Variants in IGSF21 observed in about 807,000 individuals in gnomAD.
The protein encoded by IGSF21 is immunoglobin superfamily member 21.
In IGSF21, 28 loss-of-function variants were observed where a neutral mutation model predicts 46.8. The observed-to-expected ratio is 0.60, with a 90% confidence interval of 0.44 to 0.82. The LOEUF (loss-of-function observed/expected upper bound fraction) is 0.82, where lower values mean the gene tolerates loss of function less well. IGSF21 is among the 40% of genes least tolerant of loss of function. The probability of loss-of-function intolerance (pLI) is 0.00; values close to 1 mark genes in which losing one functional copy is unlikely to be tolerated. For synonymous variants in IGSF21, 284 were observed against 273.6 expected (o/e 1.04, Z -0.38); for missense variants, 624 against 665.5 (o/e 0.94, Z 0.69).
chr1:18,177,533 AT>A (rs1052614430), intron 1 of IGSF21, among the ~76,000 whole-genome samples: 18 of 150,900 alleles, frequency 1.2e-4, no homozygotes, highest in African/African-American at 3.9e-4. Context: ...CTCTCTGATG[AT>A]TTTTTTTTCT....
intron 2 of IGSF21, among the ~76,000 whole-genome samples, chr1:18,254,156 G>A (rs2084867945): frequency 6.6e-6 from 1 of 152,166 alleles, no homozygotes; most frequent in Admixed American, 6.5e-5. Context: ...AAGTTCTGGA[G>A]CCTGAACTAG....
At chr1:18,200,444 G>A (rs909738868) in intron 1 of IGSF21, among the ~76,000 whole-genome samples, 1 of 152,120 alleles carries the variant, frequency 6.6e-6, no homozygotes, top group African/African-American at 2.4e-5. Context: ...TCTGATTCCT[G>A]CAGGGAATAA....
intron 2 of IGSF21, among the ~76,000 whole-genome samples, chr1:18,237,800 T>G (rs2084687108): frequency 6.6e-6 from 1 of 152,208 alleles, no homozygotes; most frequent in Non-Finnish European, 1.5e-5. Context: ...AGCCTTTCAA[T>G]CTGGAACTGG....
chr1:18,124,209 T>G (rs2086257229), intron 1 of IGSF21, among the ~76,000 whole-genome samples: 1 of 152,196 alleles, frequency 6.6e-6, no homozygotes, highest in South Asian at 2.1e-4. Flanking sequence ...CAGGCTCTCT[T>G]CTTCCTGGAC....
intron 1 of IGSF21, among the ~76,000 whole-genome samples, chr1:18,117,364 G>A (rs1008698683): frequency 6.6e-6 from 1 of 152,214 alleles, no homozygotes; most frequent in Non-Finnish European, 1.5e-5. Context: ...AAGAGTGAAG[G>A]GAGGAGGAGC....
intron 1 of IGSF21, among the ~76,000 whole-genome samples, chr1:18,177,960 G>A (rs1453202993): frequency 6.6e-6 from 1 of 152,132 alleles, no homozygotes; most frequent in Admixed American, 6.5e-5. Flanking sequence ...GGCACGATGG[G>A]GCGAGTTTCT....
At chr1:18,197,091 T>C (rs1169722303) in intron 1 of IGSF21, among the ~76,000 whole-genome samples, 1 of 152,214 alleles carries the variant, frequency 6.6e-6, no homozygotes, top group Non-Finnish European at 1.5e-5. Context: ...AGGCAGCCTC[T>C]CTGTCTCCTG....
intron 1 of IGSF21, 81 bp downstream of exon 1, chr1:18,108,279 T>C: frequency 8.0e-7 from 1 of 1,256,098 alleles, no homozygotes; most frequent in Non-Finnish European, 1.0e-6. Context: ...CTGGCCGGGG[T>C]CGCTCCGAGA....
Position 18,362,241 on chromosome 1 carries a change from C to T in IGSF21, c.540+11C>T. ...AAACCAGCACCCATGGTGAGTACCC[C>T]TGGAGTGCCCAGCTCCTTCCTATCT... On this transcript the variant is annotated intron_variant, in intron 5 of 9. Transcript: ENST00000251296. 6.3e-7 allele frequency: 1 copy of T among 1,583,512 alleles called. No homozygotes were observed. The highest frequency in any genetic ancestry group is 1.1e-5 in the South Asian group (1 of 88,394).
At chr1:18,202,349 C>T (rs188546484) in intron 1 of IGSF21, among the ~76,000 whole-genome samples, 3 of 152,332 alleles carry the variant, frequency 2.0e-5, no homozygotes, top group Admixed American at 2.0e-4. Context: ...TTTGTCTTTC[C>T]TTGGGTTACC....
At position 18,378,271 on chromosome 1, in the gene IGSF21, C is replaced by T. The variant is rs537868676; in HGVS notation, c.1349C>T (p.Thr450Ile). 3.1e-6 allele frequency: 5 copies of T among 1,614,046 alleles called. No homozygotes were observed. The highest frequency in any genetic ancestry group is 2.7e-5 in the African/African-American group (2 of 75,028). ...CCTGGCACAGGTTCCATTGGCCCCA[C>T]TGGTGCCCGGCTCACCTTGGTGCTC... ...TEDSNGSIGP[T>I]GARLTLVLAL... is the part of the protein sequence containing the mutation. Residue 450 changes from threonine to isoleucine, a missense_variant, in exon 10 of 10, where the codon ACT (threonine) becomes ATT (isoleucine). Coordinates refer to ENST00000251296, the MANE Select transcript of IGSF21 (RefSeq NM_032880.5).
chr1:18,229,009 A>AT (rs1014498894), intron 2 of IGSF21, among the ~76,000 whole-genome samples: 3 of 151,792 alleles, frequency 2.0e-5, no homozygotes, highest in Admixed American at 6.6e-5. Flanking sequence ...TCTTCTTTTT[A>AT]TTTTTTTTCA....
At chr1:18,257,776 G>C (rs2084905584) in intron 2 of IGSF21, among the ~76,000 whole-genome samples, 2 of 152,158 alleles carry the variant, frequency 1.3e-5, no homozygotes, top group Admixed American at 6.5e-5. Flanking sequence ...GGGGCTGGAA[G>C]AATAGTCAAG....
intron 1 of IGSF21, among the ~76,000 whole-genome samples, chr1:18,185,700 C>T (rs938869895): frequency 4.6e-5 from 7 of 152,190 alleles, no homozygotes; most frequent in Admixed American, 1.3e-4. Flanking sequence ...TTTACCTCTC[C>T]GTGCCTCAGT....
intron 1 of IGSF21, among the ~76,000 whole-genome samples, chr1:18,223,729 G>C (rs773008974): frequency 1.3e-5 from 2 of 152,204 alleles, no homozygotes; most frequent in Non-Finnish European, 2.9e-5. Context: ...ACTCATGGTC[G>C]TGGCATCGTA....
chr1:18,264,467 T>G (rs188956644), intron 2 of IGSF21, among the ~76,000 whole-genome samples: 143 of 152,304 alleles, frequency 9.4e-4, no homozygotes, highest in Non-Finnish European at 1.6e-3. Flanking sequence ...GACAAGTCAT[T>G]GCACACTGAG....
rs2086286129 is a variant in IGSF21, at chr1:18,376,846, G to A, written c.1148G>A (p.Ser383Asn). 3 of 1,608,364 alleles carry A rather than the reference G, an allele frequency of 1.9e-6. No homozygotes were observed. The highest frequency in any genetic ancestry group is 1.7e-5 in the Admixed American group (1 of 59,848). Residue 383 changes from serine (S) to asparagine (N), a missense_variant, in exon 8 of 10, where the codon AGC becomes AAC. Ser to Asn is a conservative substitution (Grantham distance 46, BLOSUM62 1). Transcript: ENST00000251296. Reference sequence around the variant, plus strand: ...ATGTTCACGTGGACGCGGGTTGGGAGCCGCCTCCTGGACGGCAGCGCTGAG... The same window carrying A: ...ATGTTCACGTGGACGCGGGTTGGGAACCGCCTCCTGGACGGCAGCGCTGAG... The part of the protein sequence containing the change: ...EPMFTWTRVG[S>N]RLLDGSAEFD...
chr1:18,359,387 G>GAAAGAAAGAAAGA (rs1557659651), intron 4 of IGSF21, among the ~76,000 whole-genome samples: 7 of 33,874 alleles, frequency 2.1e-4, no homozygotes, highest in African/African-American at 6.7e-4. Flanking sequence ...AGAAAGAAAG[G>GAAAGAAAGAAAGA]AAGGAAGGAA....
chr1:18,353,528 G>A (rs1308753162), intron 4 of IGSF21, among the ~76,000 whole-genome samples: 1 of 152,172 alleles, frequency 6.6e-6, no homozygotes, highest in Non-Finnish European at 1.5e-5. Context: ...AGATGTGTGT[G>A]AACCAATATG....
Sources: allele counts gnomAD v4.1 joint callset (sites outside exome capture counted in the v4.1 genomes callset), GRCh38; gene constraint gnomAD v4.1.1; transcripts MANE v1.5; gene names NCBI Gene and HGNC (gene_info 2026-07-23, HGNC 2026-07-21).